XPC: variants seen among roughly 807,000 people sequenced by gnomAD.
XPC encodes the protein XPC complex subunit, DNA damage recognition and repair factor.
A neutral mutation model predicts 95.8 loss-of-function variants in XPC; 76 were observed. The observed-to-expected ratio is 0.79, with a 90% CI of 0.66 to 0.96. The LOEUF (loss-of-function observed/expected upper bound fraction) is 0.96, where lower values mean the gene tolerates loss of function less well. Among genes scored for constraint, XPC ranks in the 40% least tolerant of loss-of-function variants. XPC has a pLI of 0.00. For synonymous variants in XPC, 442 were observed against 442.1 expected, an observed-to-expected ratio of 1.00 and a Z score of 0.00; for missense variants, 1,146 against 1,179.8, an observed-to-expected ratio of 0.97 and a Z score of 0.42.
At chr3:14,170,237 G>GA (rs1696554350) in intron 3 of XPC, among the ~76,000 whole-genome samples, 1 of 152,242 alleles carries the variant, frequency 6.6e-6, no homozygotes, top group African/African-American at 2.4e-5. Context: ...ACCAGAGGAA[G>GA]AGAGTAAACA....
intron 10 of XPC, 70 bp downstream of exon 10, chr3:14,156,265 G>C: frequency 1.3e-6 from 2 of 1,539,358 alleles, no homozygotes; most frequent in Admixed American, 2.1e-5. Context: ...AGCAACCCTT[G>C]CCTAGGAAGA....
Position 14,152,339 on chromosome 3 carries a change from T to C in XPC, c.2111A>G (p.Tyr704Cys). The C allele has an allele frequency of 1.2e-6, 2 of 1,612,746 alleles. No individual in the cohort carries two copies. Among genetic ancestry groups the C allele is most frequent in the East Asian group, 2.2e-5 (1 of 44,824 alleles). Residue 704 changes from tyrosine to cysteine, a missense_variant, in exon 11 of 16, where the codon TAC (tyrosine) becomes TGC (cysteine). By Grantham distance (194) the Tyr-to-Cys change is radical (BLOSUM62 -2). Transcript: ENST00000285021. ...ARVVRLGEVPYKMVKGFSNRA... is the reference protein window; with the variant it reads ...ARVVRLGEVPCKMVKGFSNRA... The stretch of plus-strand genomic sequence containing the variant: ...GGACCCCCCAGCTCCAGTTACCTTG[T>C]AGGGTACTTCTCCAAGCCTCACCAC...
intron 4 of XPC, 92 bp from the exon 5 acceptor site, chr3:14,167,345 G>A (rs1696426011): frequency 9.0e-7 from 1 of 1,112,108 alleles, no homozygotes; most frequent in Middle Eastern, 2.0e-4. Flanking sequence ...GGATGACAGT[G>A]AATCACTCTC....
intron 13 of XPC, 28 bp from the exon 14 acceptor site, chr3:14,148,029 C>G: frequency 6.5e-7 from 1 of 1,534,820 alleles, no homozygotes; most frequent in Non-Finnish European, 8.8e-7. Context: ...GATGTCAACC[C>G]TCGAACCTGC....
rs981293264 is a variant in XPC, at chr3:14,149,096, T to A, written c.2116-148A>T. ...CTGGGGTGCTTTTTCTCCCTTTTTTTTTTTTGAGACAGAGTCTCGCTCTGT... is the reference window on the plus strand; with the variant it reads ...CTGGGGTGCTTTTTCTCCCTTTTTTATTTTTGAGACAGAGTCTCGCTCTGT... On this transcript the variant is annotated intron_variant, in intron 11 of 15. Transcript: ENST00000285021. 4.2e-6 allele frequency: 5 copies of A among 1,194,720 alleles called. No individual in the cohort carries two copies. In the African/African-American group the frequency reaches 7.7e-5, roughly 18 times the overall value. 74.0% of individuals were successfully genotyped at this position (1,194,720 alleles called of 1,614,324 possible). A position where few individuals can be genotyped will look rare whatever the true frequency, so the allele number is the denominator to read the frequency against.
At position 14,158,431 on chromosome 3, in the gene XPC, G is replaced by A. The variant is rs773816378; in HGVS notation, c.1452C>T (p.Ser484=). 1 of 1,613,820 alleles carries A rather than the reference G, an allele frequency of 6.2e-7. No homozygotes were observed. Among genetic ancestry groups the A allele is most frequent in the Non-Finnish European group, 8.5e-7 (1 of 1,179,816 alleles). Residue 484 remains serine (S), a synonymous_variant, in exon 9 of 16, where the codon TCC becomes TCT. Transcript: ENST00000285021. The surrounding 1 kb of genome is among the most constrained non-coding windows in gnomAD (Gnocchi z 5.2). ...QRTKAGSKSA[S]RTHRGSHRKD... is the part of the protein sequence containing the mutation. ...TACGATGGCTCCCACGATGGGTCCT[G>A]GAGGCACTCTTGGACCCAGCCTTTG... is the stretch of plus-strand genomic sequence containing the variant.
intron 1 of XPC, among the ~76,000 whole-genome samples, chr3:14,177,346 AG>A (rs1296186680): frequency 6.6e-6 from 1 of 152,178 alleles, no homozygotes; most frequent in African/African-American, 2.4e-5. Flanking sequence ...AAGGTACTTG[AG>A]CATCACAGGT....
In XPC at chr3:14,165,457, G is replaced by A; in HGVS notation, c.750C>T (p.Asp250=). 6.2e-7 allele frequency: 1 copy of A among 1,600,250 alleles called. No homozygotes were observed. The highest frequency in any genetic ancestry group is 8.5e-7 in the Non-Finnish European group (1 of 1,173,244). ...TCACCAGGTTTGAGAGGTAGTAGGTGTCCACATCTCGAGGCAGCACTCTGG... is the reference window on the plus strand; with the variant it reads ...TCACCAGGTTTGAGAGGTAGTAGGTATCCACATCTCGAGGCAGCACTCTGG... ...RFTRVLPRDV[D]TYYLSNLVKW... Residue 250 remains aspartate, a synonymous_variant, in exon 6 of 16, where the codon GAC becomes GAT. Coordinates refer to ENST00000285021, the MANE Select transcript of XPC (RefSeq NM_004628.5).
rs2125015959 is a variant in XPC at position 14,152,531 on chromosome 3, A to T, written c.2034-115T>A. ...CCCTCCTCAGGTTCAGCCACCCTGG[A>T]GCAGGCCGAGCTCCTAGGGGGCCCA... On this transcript the variant is annotated intron_variant, in intron 10 of 15. Transcript: ENST00000285021. 5.3e-6 allele frequency: 5 copies of T among 951,330 alleles called. No homozygotes were observed. The East Asian group carries it at 1.5e-4, about 28-fold the overall frequency. The allele number at this position is 951,330 out of a possible 1,614,324, so 58.9% of individuals were successfully genotyped here.
chr3:14,158,997 C>A lies in XPC; in HGVS notation c.991-105G>T. ...AGGGTTAAGTCACCAGCTAGAGAAC[C>A]AATACATCAAGATGTCCCCAGCTCA... is the stretch of plus-strand genomic sequence containing the variant. On this transcript the variant is annotated intron_variant, in intron 8 of 15. Transcript: ENST00000285021. This position sits in a 1 kb window ranked among gnomAD's most constrained non-coding sequence, Gnocchi z 5.2. The A allele has an allele frequency of 7.0e-7, 1 of 1,427,482 alleles. No individual in the cohort carries two copies. Among genetic ancestry groups the A allele is most frequent in the Non-Finnish European group, 9.6e-7 (1 of 1,038,108 alleles). The allele number at this position is 1,427,482 out of a possible 1,614,324, so 88.4% of individuals were successfully genotyped here.
In XPC at chr3:14,165,450, A is replaced by G. The variant is rs1221423405; in HGVS notation, c.757T>C (p.Tyr253His). The G allele has an allele frequency of 1.3e-6, 2 of 1,598,630 alleles. No homozygotes were observed. Among genetic ancestry groups the G allele is most frequent in the Non-Finnish European group, 1.7e-6 (2 of 1,172,412 alleles). The change falls in exon 6 of 16, where the codon TAC becomes CAC. Residue 253 changes from tyrosine to histidine, a missense_variant. Transcript: ENST00000285021. ...RVLPRDVDTY[Y>H]LSNLVKWFIG... ...TACCACTTCACCAGGTTTGAGAGGT[A>G]GTAGGTGTCCACATCTCGAGGCAGC... is the stretch of plus-strand genomic sequence containing the variant.
At chr3:14,169,364 A>G (rs918663215) in intron 3 of XPC, among the ~76,000 whole-genome samples, 1 of 152,260 alleles carries the variant, frequency 6.6e-6, no homozygotes, top group Non-Finnish European at 1.5e-5. Flanking sequence ...GGATATTGAA[A>G]CAAGTTTAAC....
rs1303516117 is a variant in XPC at position 14,164,801 on chromosome 3, A to T, written c.900+12T>A. On this transcript the variant is annotated intron_variant, in intron 7 of 15. Coordinates refer to ENST00000285021, the MANE Select transcript of XPC (RefSeq NM_004628.5). ...TACTGATAAAAAACAGTGATCCGGG[A>T]GGATCACTTACATGGACCAATTCCT... 6.2e-7 allele frequency: 1 copy of T among 1,611,124 alleles called. No homozygotes were observed. Among genetic ancestry groups the T allele is most frequent in the Non-Finnish European group, 8.5e-7 (1 of 1,178,408 alleles).
At chr3:14,147,837 G>A (rs1695504454) in intron 14 of XPC, 71 bp downstream of exon 14, 3 of 1,393,200 alleles carry the variant, frequency 2.2e-6, no homozygotes, top group Non-Finnish European at 3.0e-6. Context: ...GGCGGCCTGG[G>A]GAAGGAAGAG....
chr3:14,149,849 C>T (rs1370744403), intron 11 of XPC: 1 of 152,228 alleles, frequency 6.6e-6, no homozygotes, highest in Non-Finnish European at 1.5e-5. Context: ...CAGATGAACA[C>T]CACAGACGGG....
intron 3 of XPC, 52 bp downstream of exon 3, chr3:14,170,386 C>G (rs931764901): frequency 6.4e-7 from 1 of 1,569,062 alleles, no homozygotes; most frequent in African/African-American, 1.4e-5. Flanking sequence ...CAGAATCAAA[C>G]AAAAAAACAA....
At chr3:14,156,863 G>A (rs773211403) in intron 9 of XPC, among the ~76,000 whole-genome samples, 2 of 152,228 alleles carry the variant, frequency 1.3e-5, no homozygotes, top group African/African-American at 2.4e-5. Flanking sequence ...CTTCTAGAGC[G>A]TGAGCTTACC....
intron 2 of XPC, among the ~76,000 whole-genome samples, chr3:14,172,001 T>C (rs1574976466): frequency 6.6e-6 from 1 of 152,152 alleles, no homozygotes; most frequent in African/African-American, 2.4e-5. Context: ...ATACTGGCAG[T>C]GAGGATTTGT....
chr3:14,156,105 T>C (rs768292830), intron 10 of XPC, among the ~76,000 whole-genome samples: 8 of 152,232 alleles, frequency 5.3e-5, no homozygotes, highest in Non-Finnish European at 1.0e-4. Context: ...CTACTTTGTA[T>C]TTTATTTTCC....
Sources: gnomAD v4.1 joint callset for allele counts (sites outside exome capture counted in the v4.1 genomes callset) on GRCh38, gnomAD v4.1.1 for gene constraint, Gnocchi (gnomAD v3.1) non-coding constraint, MANE v1.5 for transcripts, NCBI Gene and HGNC (gene_info 2026-07-23, HGNC 2026-07-21) for gene names.